The following ATP2B2 variants were observed in gnomAD, a reference collection of about 807,000 sequenced individuals.
ATP2B2 encodes the protein plasma membrane calcium-transporting ATPase 2.
ATP2B2 carries 15 observed loss-of-function variants against 120.0 expected under a neutral mutation model. The ratio of observed to expected loss-of-function variants is 0.12; its 90% CI spans 0.08 to 0.19. The LOEUF (loss-of-function observed/expected upper bound fraction) is 0.19. Ranked by LOEUF, ATP2B2 falls within the 10% of genes least tolerant of loss-of-function variation. The pLI is 1.00. For missense variants in ATP2B2, 1,045 were observed against 1,719.8 expected (o/e 0.61, Z 6.94); for synonymous variants, 694 against 700.3 (o/e 0.99, Z 0.14).
chr3:10,492,638 T>C (rs1392887982), intron 1 of ATP2B2, among the ~76,000 whole-genome samples: 2 of 152,140 alleles, frequency 1.3e-5, no homozygotes, highest in African/African-American at 4.8e-5. Context: ...AGCTGCCTCA[T>C]TTGCGACTGC....
Position 10,340,640 on chromosome 3 carries a change from A to G in ATP2B2, c.2982T>C (p.His994=). ...CGAAGGTGTTGAAGATGATGGTGTA[A>G]TGTTCTGAGGGTGGCGAATGCAGGG... ...NAPLHSPPSE[H]YTIIFNTFVM... Residue 994 remains histidine (H), a synonymous_variant, in exon 20 of 23, where the codon CAT becomes CAC. Transcript: ENST00000360273. The surrounding 1 kb of genome is among the most constrained non-coding windows in gnomAD (Gnocchi z 5.0). 6.2e-7 allele frequency: 1 copy of G among 1,614,124 alleles called. No homozygotes were observed. Among genetic ancestry groups the G allele is most frequent in the Non-Finnish European group, 8.5e-7 (1 of 1,180,028 alleles).
At chr3:10,532,283 A>G (rs6442177) in intron 3 of ATP2B2, among the ~76,000 whole-genome samples, 55,562 of 152,074 alleles carry the variant, frequency 0.37, 10,428 homozygotes, top group South Asian at 0.46. Context: ...AAAGTATAAC[A>G]ATGACCGCAC....
intron 1 of ATP2B2, among the ~76,000 whole-genome samples, chr3:10,450,174 GC>G (rs1191322649): frequency 6.6e-6 from 1 of 152,008 alleles, no homozygotes; most frequent in East Asian, 1.9e-4. Flanking sequence ...ATACCTTCTG[GC>G]ATGTCCTTGT....
At chr3:10,657,029 A>C (rs1196550764) in intron 1 of ATP2B2, among the ~76,000 whole-genome samples, 1 of 152,104 alleles carries the variant, frequency 6.6e-6, no homozygotes, top group Admixed American at 6.6e-5. Flanking sequence ...CAAATGGGAG[A>C]GGAAGCCACT....
chr3:10,520,074 A>C (rs1430452261), intron 3 of ATP2B2, among the ~76,000 whole-genome samples: 2 of 152,178 alleles, frequency 1.3e-5, no homozygotes, highest in African/African-American at 4.8e-5. Flanking sequence ...GCTCTTCCTA[A>C]AATCAGCCCT....
intron 22 of ATP2B2, among the ~76,000 whole-genome samples, chr3:10,330,564 G>A (rs193004853): frequency 2.6e-5 from 4 of 152,372 alleles, no homozygotes; most frequent in Admixed American, 2.0e-4. Flanking sequence ...GCGCCTCCAG[G>A]ACAGAGCCTT....
chr3:10,428,967 G>A (rs2063225859), intron 2 of ATP2B2, among the ~76,000 whole-genome samples: 1 of 152,220 alleles, frequency 6.6e-6, no homozygotes, highest in African/African-American at 2.4e-5. Flanking sequence ...GAAACGAGAT[G>A]ATGCATCATG....
intron 1 of ATP2B2, among the ~76,000 whole-genome samples, chr3:10,473,627 T>C (rs1052710050): frequency 6.6e-6 from 1 of 152,182 alleles, no homozygotes; most frequent in African/African-American, 2.4e-5. Flanking sequence ...TGAGGCTCTG[T>C]CACACAAAAA....
chr3:10,583,806 G>T (rs2068446044), intron 2 of ATP2B2, among the ~76,000 whole-genome samples: 1 of 152,206 alleles, frequency 6.6e-6, no homozygotes, highest in African/African-American at 2.4e-5. Flanking sequence ...CCCACTGCAA[G>T]GGGCCAATAC....
chr3:10,575,736 CCTCTGTTGT>C (rs2068229848), intron 2 of ATP2B2, among the ~76,000 whole-genome samples: 1 of 152,090 alleles, frequency 6.6e-6, no homozygotes, highest in African/African-American at 2.4e-5. Flanking sequence ...GGCTGGCAGC[CCTCTGTTGT>C]CTCTGGTGTC....
chr3:10,578,501 C>T (rs1482742246), intron 2 of ATP2B2, among the ~76,000 whole-genome samples: 3 of 151,196 alleles, frequency 2.0e-5, no homozygotes, highest in South Asian at 4.2e-4. Context: ...TAGCCGAGAT[C>T]TCGCCACTGC....
chr3:10,515,943 G>A (rs1410015134), intron 3 of ATP2B2, among the ~76,000 whole-genome samples: 1 of 152,162 alleles, frequency 6.6e-6, no homozygotes, highest in East Asian at 1.9e-4. Flanking sequence ...TGTGTGGCAT[G>A]GTGTGGCAGC....
chr3:10,363,457 G>T (rs1403516187), intron 12 of ATP2B2, among the ~76,000 whole-genome samples: 1 of 152,226 alleles, frequency 6.6e-6, no homozygotes, highest in Non-Finnish European at 1.5e-5. Flanking sequence ...CTGCCCCAGA[G>T]CCCCTGATTC....
In ATP2B2 at chr3:10,338,160, C is replaced by G. The variant is rs1465023407; in HGVS notation, c.3420+16G>C. 1 of 1,613,758 alleles carries G rather than the reference C, an allele frequency of 6.2e-7. No homozygotes were observed. Among genetic ancestry groups the G allele is most frequent in the Non-Finnish European group, 8.5e-7 (1 of 1,180,004 alleles). ...CCCGGCCAGGCCTGGGCCCAGCCCC[C>G]AAGAGCCTCCTGTACCTGTGTCTGG... is the stretch of plus-strand genomic sequence containing the variant. On this transcript the variant is annotated intron_variant, in intron 22 of 22. Coordinates refer to ENST00000360273, the MANE Select transcript of ATP2B2 (RefSeq NM_001001331.4).
intron 1 of ATP2B2, among the ~76,000 whole-genome samples, chr3:10,671,462 CA>C (rs1490227338): frequency 2.0e-5 from 3 of 152,134 alleles, no homozygotes; most frequent in Non-Finnish European, 4.4e-5. Context: ...GTCCTCGGCC[CA>C]GTTTCAGCCC....
intron 1 of ATP2B2, among the ~76,000 whole-genome samples, chr3:10,637,812 A>G (rs544243338): frequency 6.6e-6 from 1 of 152,318 alleles, no homozygotes; most frequent in East Asian, 1.9e-4. Context: ...AACCCCAAGC[A>G]CAAGAAACAT....
intron 2 of ATP2B2, among the ~76,000 whole-genome samples, chr3:10,419,809 T>C (rs2062912496): frequency 6.6e-6 from 1 of 152,168 alleles, no homozygotes; most frequent in African/African-American, 2.4e-5. Context: ...TCCAGCCTGA[T>C]CTAGTTGGGG....
At chr3:10,503,455 T>C (rs1380859169) in intron 1 of ATP2B2, among the ~76,000 whole-genome samples, 1 of 152,250 alleles carries the variant, frequency 6.6e-6, no homozygotes, top group Non-Finnish European at 1.5e-5. Flanking sequence ...GAATACGGGC[T>C]GGCCCTCCCC....
At chr3:10,589,507 T>C (rs779598770) in intron 2 of ATP2B2, among the ~76,000 whole-genome samples, 12 of 152,226 alleles carry the variant, frequency 7.9e-5, no homozygotes, top group Non-Finnish European at 1.6e-4. Context: ...TATATGTTAA[T>C]GCTGTCCCTG....
Sources: gnomAD v4.1 joint callset for allele counts (sites outside exome capture counted in the v4.1 genomes callset) on GRCh38, gnomAD v4.1.1 for gene constraint, Gnocchi (gnomAD v3.1) non-coding constraint, MANE v1.5 for transcripts, NCBI Gene and HGNC (gene_info 2026-07-23, HGNC 2026-07-21) for gene names.